The following LIPK variants were observed in gnomAD, a reference collection of about 807,000 sequenced individuals.
LIPK encodes the protein lipase family member K, also known as lipase member K.
LIPK carries 32 observed loss-of-function variants against 48.6 expected under a neutral mutation model. The observed-to-expected ratio is 0.66, with a 90% CI of 0.50 to 0.88. The LOEUF is 0.88. LIPK is among the 40% of genes least tolerant of loss of function. The pLI is 0.00. For missense variants in LIPK, 507 were observed against 478.5 expected (o/e 1.06, Z -0.56); for synonymous variants, 164 against 157.4 (o/e 1.04, Z -0.32).
chr10:88,746,073 T>C (rs1347491388), intron 9 of LIPK, among the ~76,000 whole-genome samples: 2 of 151,968 alleles, frequency 1.3e-5, no homozygotes, highest in East Asian at 1.9e-4. Context: ...TTAACAAGAA[T>C]ACAACTATCC....
intron 8 of LIPK, among the ~76,000 whole-genome samples, chr10:88,741,195 A>T (rs1266945926): frequency 6.6e-6 from 1 of 152,108 alleles, no homozygotes; most frequent in South Asian, 2.1e-4. Context: ...ATGTCATAGC[A>T]TATTCTTTTA....
At chr10:88,744,341 T>G (rs1842733313) in intron 9 of LIPK, among the ~76,000 whole-genome samples, 1 of 152,240 alleles carries the variant, frequency 6.6e-6, no homozygotes, top group Non-Finnish European at 1.5e-5. Context: ...CAAGCATGCG[T>G]GTGTGCAAAC....
At chr10:88,724,785 G>A (rs1842302121) in intron 2 of LIPK, 137 bp downstream of exon 2, 1 of 628,314 alleles carries the variant, frequency 1.6e-6, no homozygotes, top group Non-Finnish European at 2.8e-6. Flanking sequence ...CCTGTTTCTT[G>A]ATATGGCTAA....
intron 9 of LIPK, among the ~76,000 whole-genome samples, chr10:88,748,447 T>C (rs1842807762): frequency 6.6e-6 from 1 of 151,948 alleles, no homozygotes; most frequent in Non-Finnish European, 1.5e-5. Context: ...TGAAACCTCA[T>C]CTCTATTAAA....
chr10:88,738,347 A>G (rs796131162), intron 7 of LIPK, among the ~76,000 whole-genome samples: 18 of 152,258 alleles, frequency 1.2e-4, no homozygotes, highest in African/African-American at 4.3e-4. Context: ...TGGGGAAGGG[A>G]GGAGGGAAAG....
chr10:88,711,366 C>T (rs1343697438), intron 1 of LIPK, among the ~76,000 whole-genome samples: 2 of 152,074 alleles, frequency 1.3e-5, no homozygotes, highest in Non-Finnish European at 2.9e-5. Flanking sequence ...CCTAGTTACC[C>T]TTTGTGTGCG....
At chr10:88,717,548 C>T (rs902807369) in intron 1 of LIPK, among the ~76,000 whole-genome samples, 6 of 152,134 alleles carry the variant, frequency 3.9e-5, no homozygotes, top group Non-Finnish European at 7.4e-5. Context: ...TTCTGTTTTT[C>T]GGACTCTTTT....
At position 88,737,731 on chromosome 10, in the gene LIPK, A is replaced by G; in HGVS notation, c.766A>G (p.Ser256Gly). 6.2e-7 allele frequency: 1 copy of G among 1,613,928 alleles called. No individual in the cohort carries two copies. Among genetic ancestry groups the G allele is most frequent in the South Asian group, 1.1e-5 (1 of 91,082 alleles). The change falls in exon 7 of 10, where the codon AGC becomes GGC. Residue 256 changes from serine to glycine, a missense_variant. Coordinates refer to ENST00000404190, the MANE Select transcript of LIPK (RefSeq NM_001080518.2). ...TCGAAAGCTATTCCGTCGTATTTGC[A>G]GCAACTTCCTATTTACTCTGAGTGG... ...CNRKLFRRICSNFLFTLSGFD... is the reference protein window; with the variant it reads ...CNRKLFRRICGNFLFTLSGFD...
chr10:88,715,201 C>A (rs181227392), intron 1 of LIPK, among the ~76,000 whole-genome samples: 46 of 152,070 alleles, frequency 3.0e-4, no homozygotes, highest in Admixed American at 1.2e-3. Context: ...TTATTTCTGT[C>A]TAATTTTTCT....
chr10:88,731,146 A>G lies in LIPK; in HGVS notation c.387A>G (p.Lys129=). The part of the protein sequence containing the change: ...RGNTWSRKHL[K]LSPKSPEYWA... ...ACACTTGGTCCAGAAAACACCTTAA[A>G]TTGTCACCGAAATCACCGGAATACT... Residue 129 remains lysine (K), a synonymous_variant, in exon 4 of 10, where the codon AAA becomes AAG. Transcript: ENST00000404190. 6.3e-7 allele frequency: 1 copy of G among 1,590,240 alleles called. No homozygotes were observed. The highest frequency in any genetic ancestry group is 8.5e-7 in the Non-Finnish European group (1 of 1,170,690).
intron 8 of LIPK, among the ~76,000 whole-genome samples, chr10:88,742,894 T>C (rs966699028): frequency 1.3e-5 from 2 of 152,232 alleles, no homozygotes; most frequent in South Asian, 4.1e-4. Flanking sequence ...GCTAATGCCT[T>C]TTTAAAAAAA....
chr10:88,735,439 C>T (rs1251057885), intron 6 of LIPK, among the ~76,000 whole-genome samples: 3 of 152,204 alleles, frequency 2.0e-5, no homozygotes, highest in Non-Finnish European at 4.4e-5. Flanking sequence ...AGTCACCCAG[C>T]TAATGGACGG....
intron 6 of LIPK, among the ~76,000 whole-genome samples, chr10:88,736,160 G>GAGAGGT (rs1842568080): frequency 6.6e-6 from 1 of 151,780 alleles, no homozygotes; most frequent in South Asian, 2.1e-4. Flanking sequence ...GGGAAGGAGG[G>GAGAGGT]AGAGGGAGAG....
At chr10:88,727,672 C>T (rs890408644) in intron 3 of LIPK, 1 of 166,314 alleles carries the variant, frequency 6.0e-6, no homozygotes, top group East Asian at 1.8e-4. Flanking sequence ...TGGGCACCAG[C>T]ATGGGTCTGG....
intron 6 of LIPK, among the ~76,000 whole-genome samples, chr10:88,734,515 A>T (rs993412742): frequency 1.3e-5 from 2 of 152,180 alleles, no homozygotes; most frequent in African/African-American, 4.8e-5. Context: ...TTATATAAGT[A>T]ATTGGGGAGC....
chr10:88,744,624 A>G (rs562787584), intron 9 of LIPK, among the ~76,000 whole-genome samples: 1 of 152,240 alleles, frequency 6.6e-6, no homozygotes, highest in Non-Finnish European at 1.5e-5. Flanking sequence ...ATAAAAGCAA[A>G]AAGCCTCATC....
chr10:88,749,521 T>G (rs1375943644), intron 9 of LIPK, among the ~76,000 whole-genome samples: 1 of 152,108 alleles, frequency 6.6e-6, no homozygotes, highest in Non-Finnish European at 1.5e-5. Context: ...GAAAGGATGG[T>G]CTATTCAATA....
chr10:88,713,469 T>C (rs1842060777), intron 1 of LIPK, among the ~76,000 whole-genome samples: 1 of 140,830 alleles, frequency 7.1e-6, no homozygotes, highest in African/African-American at 2.5e-5. Flanking sequence ...AGCAAGAAAA[T>C]ACAGTTCTGA....
chr10:88,730,278 G>C (rs528510419), intron 3 of LIPK, among the ~76,000 whole-genome samples: 1 of 152,098 alleles, frequency 6.6e-6, no homozygotes, highest in African/African-American at 2.4e-5. Context: ...GTGCCAGACA[G>C]CTTTTTTTTG....
Sources: allele counts gnomAD v4.1 joint callset (sites outside exome capture counted in the v4.1 genomes callset), GRCh38; gene constraint gnomAD v4.1.1; transcripts MANE v1.5; gene names NCBI Gene and HGNC (gene_info 2026-07-23, HGNC 2026-07-21).